Variants in CRTAC1 observed in about 807,000 individuals in gnomAD.
CRTAC1 encodes acidic secreted protein in cartilage.
Under a neutral mutation model 67.8 loss-of-function variants are expected in CRTAC1, and 37 were observed. The observed-to-expected ratio is 0.55, with a 90% CI of 0.42 to 0.72. The LOEUF (loss-of-function observed/expected upper bound fraction) is 0.72, where lower values mean the gene tolerates loss of function less well. Ranked by LOEUF, CRTAC1 falls within the 30% of genes least tolerant of loss-of-function variation. The pLI is 0.00. For missense variants in CRTAC1, 780 were observed against 931.6 expected (o/e 0.84, Z 2.12); for synonymous variants, 348 against 371.0 (o/e 0.94, Z 0.71).
intron 11 of CRTAC1, 72 bp from the exon 12 acceptor site, chr10:97,884,423 A>T (rs528165171): frequency 7.4e-7 from 1 of 1,346,814 alleles, no homozygotes; most frequent in East Asian, 2.5e-5. Flanking sequence ...ATCAGCATCA[A>T]CTAATTCATC....
chr10:97,906,353 C>T (rs2050612092), intron 6 of CRTAC1, among the ~76,000 whole-genome samples: 1 of 152,238 alleles, frequency 6.6e-6, no homozygotes, highest in Non-Finnish European at 1.5e-5. Flanking sequence ...TGACAAGGAG[C>T]TGGTTCCCTT....
At chr10:97,998,753 A>G (rs1024125449) in intron 2 of CRTAC1, among the ~76,000 whole-genome samples, 12 of 152,186 alleles carry the variant, frequency 7.9e-5, no homozygotes, top group African/African-American at 2.9e-4. Context: ...TAACAACAAA[A>G]CTATTATTAA....
At chr10:97,894,373 C>G (rs1338674976) in intron 11 of CRTAC1, among the ~76,000 whole-genome samples, 22 of 151,900 alleles carry the variant, frequency 1.4e-4, no homozygotes, top group Admixed American at 1.4e-3. Context: ...TATATCTGTT[C>G]ATGTGCTATA....
intron 2 of CRTAC1, among the ~76,000 whole-genome samples, chr10:97,994,797 C>T (rs1842524050): frequency 6.6e-6 from 1 of 152,208 alleles, no homozygotes; most frequent in East Asian, 1.9e-4. Context: ...CCACAGGATC[C>T]TGTGATTGGA....
chr10:97,922,083 A>C (rs2050848400), intron 4 of CRTAC1, among the ~76,000 whole-genome samples: 1 of 151,978 alleles, frequency 6.6e-6, no homozygotes, highest in Non-Finnish European at 1.5e-5. Context: ...TGAACGGGTG[A>C]GATGGGAAAC....
At chr10:97,884,745 G>A (rs1321051088) in intron 11 of CRTAC1, among the ~76,000 whole-genome samples, 1 of 152,184 alleles carries the variant, frequency 6.6e-6, no homozygotes, top group African/African-American at 2.4e-5. Context: ...TTGAACTCAC[G>A]TTCTAGCAGA....
At chr10:97,925,951 G>T (rs909499659) in intron 3 of CRTAC1, among the ~76,000 whole-genome samples, 1 of 152,172 alleles carries the variant, frequency 6.6e-6, no homozygotes, top group Admixed American at 6.5e-5. Flanking sequence ...GACCCCTTGA[G>T]ACCACAGGAC....
In CRTAC1 at chr10:97,880,244, C is replaced by A; in HGVS notation, c.1819+5G>T. Reference sequence around the variant, plus strand: ...CTACTGGCCTATGGCTGGGGCCCCACTCACCCACGCAGGCTGTGCCATCCT... The same window carrying A: ...CTACTGGCCTATGGCTGGGGCCCCAATCACCCACGCAGGCTGTGCCATCCT... On this transcript the variant is annotated splice_donor_5th_base_variant and intron_variant, in intron 14 of 14. Transcript: ENST00000370597. 1 of 1,613,864 alleles carries A rather than the reference C, an allele frequency of 6.2e-7. No individual in the cohort carries two copies. The highest frequency in any genetic ancestry group is 8.5e-7 in the Non-Finnish European group (1 of 1,179,768).
intron 14 of CRTAC1, chr10:97,869,951 C>T (rs1228797974): frequency 6.6e-6 from 1 of 152,262 alleles, no homozygotes; most frequent in East Asian, 1.9e-4. Flanking sequence ...AAGGCAAACA[C>T]CACTCCACAT....
At chr10:97,995,290 C>T (rs1590273683) in intron 2 of CRTAC1, among the ~76,000 whole-genome samples, 1 of 152,048 alleles carries the variant, frequency 6.6e-6, no homozygotes, top group Non-Finnish European at 1.5e-5. Flanking sequence ...GCTTCTCTCC[C>T]CCAACATACA....
At chr10:97,876,213 G>A (rs1014549488) in intron 14 of CRTAC1, among the ~76,000 whole-genome samples, 1 of 152,148 alleles carries the variant, frequency 6.6e-6, no homozygotes, top group East Asian at 1.9e-4. Context: ...CCAGACTCCT[G>A]GGATCCAGTC....
At chr10:97,983,574 A>T (rs773809413) in intron 2 of CRTAC1, among the ~76,000 whole-genome samples, 3 of 152,214 alleles carry the variant, frequency 2.0e-5, no homozygotes, top group Non-Finnish European at 2.9e-5. Context: ...GACAGAAATC[A>T]ATTCTGAGAG....
intron 2 of CRTAC1, among the ~76,000 whole-genome samples, chr10:97,943,107 T>G (rs985994598): frequency 6.6e-6 from 1 of 151,554 alleles, no homozygotes; most frequent in African/African-American, 2.4e-5. Flanking sequence ...AGAATATATC[T>G]ATTCAGTAGT....
intron 2 of CRTAC1, among the ~76,000 whole-genome samples, chr10:97,980,758 C>T (rs930648258): frequency 2.0e-5 from 3 of 152,138 alleles, no homozygotes; most frequent in African/African-American, 4.8e-5. Flanking sequence ...GAAAAATGAC[C>T]CCACGGAGGT....
intron 2 of CRTAC1, among the ~76,000 whole-genome samples, chr10:98,004,624 G>C (rs1257833908): frequency 6.6e-6 from 1 of 151,980 alleles, no homozygotes; most frequent in Admixed American, 6.6e-5. Context: ...CAGTGTGGTG[G>C]AGTTTGCAAT....
rs1394854584 is a variant in CRTAC1 at position 97,884,251 on chromosome 10, G to A, written c.1587C>T (p.Leu529=). ...SGEMNSVLEI[L]YPRDEDTLQD... is the part of the protein sequence containing the mutation. ...GAAGTGTGTCCTCATCCCGGGGGTA[G>A]AGGATCTCCAGCACTGAGTTCATCT... The change falls in exon 12 of 15, where the codon CTC becomes CTT. Residue 529 remains leucine (L), a synonymous_variant. Transcript: ENST00000370597. The A allele has an allele frequency of 6.4e-7, 1 of 1,566,372 alleles. No homozygotes were observed. The highest frequency in any genetic ancestry group is 8.7e-7 in the Non-Finnish European group (1 of 1,154,390).
intron 2 of CRTAC1, among the ~76,000 whole-genome samples, chr10:97,981,900 A>T (rs933865217): frequency 1.3e-5 from 2 of 152,344 alleles, no homozygotes; most frequent in Admixed American, 6.5e-5. Context: ...TTTCATGTCT[A>T]TTGGCCATCT....
rs181181539 is a variant in CRTAC1 at position 98,002,089 on chromosome 10, G to C, written c.224+9049C>G. 2.0e-5 allele frequency among the ~76,000 whole-genome samples: 3 copies of C among 152,274 alleles called. No homozygotes were observed. The East Asian group carries it at 5.8e-4, about 29-fold the overall frequency. The stretch of plus-strand genomic sequence containing the variant: ...CTGGGCCTCTGCAGCCTGCAGTAGG[G>C]CCCGCGGGACTAAGAAGGTCCTTCA... On this transcript the variant is annotated intron_variant, in intron 2 of 14. Coordinates refer to ENST00000370597, the MANE Select transcript of CRTAC1 (RefSeq NM_018058.7).
At chr10:97,980,664 C>T (rs2051879311) in intron 2 of CRTAC1, among the ~76,000 whole-genome samples, 1 of 152,200 alleles carries the variant, frequency 6.6e-6, no homozygotes, top group South Asian at 2.1e-4. Flanking sequence ...CTTTTAATTT[C>T]CATCACACTG....
Sources: allele counts gnomAD v4.1 joint callset (sites outside exome capture counted in the v4.1 genomes callset), GRCh38; gene constraint gnomAD v4.1.1; transcripts MANE v1.5; gene names NCBI Gene and HGNC (gene_info 2026-07-23, HGNC 2026-07-21).